Variants in FAM120A observed in about 807,000 individuals in gnomAD.
The protein encoded by FAM120A is family with sequence similarity 120 member A, also known as constitutive coactivator of PPAR-gamma-like protein 1.
FAM120A carries 15 observed loss-of-function variants against 109.7 expected under a neutral mutation model. The ratio of observed to expected loss-of-function variants is 0.14; its 90% confidence interval spans 0.09 to 0.21. FAM120A has a LOEUF of 0.21. FAM120A is among the 10% of genes least tolerant of loss of function. The pLI is 1.00. For missense variants in FAM120A, 899 were observed against 1,439.3 expected, an observed-to-expected ratio of 0.62 and a Z score of 6.07; for synonymous variants, 493 against 572.8, an observed-to-expected ratio of 0.86 and a Z score of 1.99.
At position 93,497,491 on chromosome 9, in the gene FAM120A, C is replaced by G; in HGVS notation, c.825C>G (p.Val275=). The G allele has an allele frequency of 1.2e-6, 2 of 1,613,502 alleles. No individual in the cohort carries two copies. The highest frequency in any genetic ancestry group is 2.2e-5 in the East Asian group (1 of 44,862). ...CTCAGGTCCGGGCCCACCAGCTGGT[C>G]TTGCCACCTTGCGACGTAGTGATCA... ...ASLKVRAHQL[V]LPPCDVVIKA... The change falls in exon 4 of 18, where the codon GTC becomes GTG. Residue 275 remains valine, a synonymous_variant. Transcript: ENST00000277165.
In FAM120A at chr9:93,451,786, C is replaced by T. The variant is rs1255424935; in HGVS notation, c.-130C>T. The T allele has an allele frequency of 2.0e-6, 2 of 977,190 alleles. No individual in the cohort carries two copies. The highest frequency in any genetic ancestry group is 2.4e-6 in the Non-Finnish European group (2 of 826,294). The allele number at this position is 977,190 out of a possible 1,614,324, so 60.5% of individuals were successfully genotyped here. The stretch of plus-strand genomic sequence containing the variant: ...GGCGGCCGCGGCGGCCATGAGCGCG[C>T]CCCCGACCCGCCCCAGTCCCCCCTA... On this transcript the variant is annotated 5_prime_UTR_variant, in exon 1 of 18. Coordinates refer to ENST00000277165, the MANE Select transcript of FAM120A (RefSeq NM_014612.5).
At position 93,459,119 on chromosome 9, in the gene FAM120A, A is replaced by G. The variant is rs76457843; in HGVS notation, c.474+6730A>G. Among the ~76,000 whole-genome samples the G allele has an allele frequency of 6.6e-3, 1,004 of 152,314 alleles. 14 individuals carry two copies. The highest frequency in any genetic ancestry group is 0.023 in the African/African-American group (969 of 41,552). On this transcript the variant is annotated intron_variant, in intron 1 of 17. Transcript: ENST00000277165. ...CCCATGTCAAATGCCAGCCTTCTTC[A>G]TGGAATCTCTTGATATTTGAAAAAG...
intron 1 of FAM120A, among the ~76,000 whole-genome samples, chr9:93,457,610 A>G (rs1269283319): frequency 2.0e-5 from 3 of 152,184 alleles, no homozygotes; most frequent in African/African-American, 7.2e-5. Context: ...GTAGGACCAT[A>G]GAGTCAACAT....
chr9:93,462,061 A>T (rs1857817471), intron 1 of FAM120A, among the ~76,000 whole-genome samples: 1 of 152,230 alleles, frequency 6.6e-6, no homozygotes, highest in African/African-American at 2.4e-5. Flanking sequence ...GCAGATACAA[A>T]CTATTACATA....
At chr9:93,478,796 T>G (rs1256145718) in intron 3 of FAM120A, among the ~76,000 whole-genome samples, 1 of 152,174 alleles carries the variant, frequency 6.6e-6, no homozygotes, top group Admixed American at 6.5e-5. Context: ...TTTTGACCCT[T>G]CATTCACATT....
chr9:93,463,854 T>C (rs141852601), intron 1 of FAM120A, among the ~76,000 whole-genome samples: 17 of 152,354 alleles, frequency 1.1e-4, no homozygotes, highest in Non-Finnish European at 2.1e-4. Flanking sequence ...TCAGGTCCTG[T>C]GTGAAAAGTA....
chr9:93,513,376 G>A (rs1588865725), intron 5 of FAM120A, among the ~76,000 whole-genome samples: 1 of 152,108 alleles, frequency 6.6e-6, no homozygotes, highest in Non-Finnish European at 1.5e-5. Flanking sequence ...GTGTATCTAC[G>A]CCTGTGTGTG....
chr9:93,532,252 G>C lies in FAM120A; in HGVS notation c.1832G>C (p.Gly611Ala). 1 of 1,614,258 alleles carries C rather than the reference G, an allele frequency of 6.2e-7. No homozygotes were observed. Among genetic ancestry groups the C allele is most frequent in the Non-Finnish European group, 8.5e-7 (1 of 1,180,044 alleles). The change falls in exon 10 of 18, where the codon GGA (glycine) becomes GCA (alanine). Residue 611 changes from glycine to alanine, a missense_variant. By Grantham distance (60) the Gly-to-Ala change is moderately conservative (BLOSUM62 0). Transcript: ENST00000277165. The surrounding 1 kb of genome is among the most constrained non-coding windows in gnomAD (Gnocchi z 4.3). ...LYRPVRQYVY[G>A]VLFSLAESRK... The stretch of plus-strand genomic sequence containing the variant: ...AGGCCAGTTCGTCAGTATGTTTACG[G>C]AGTCCTGTTTAGTTTGGCAGAAAGC...
chr9:93,532,618 C>T lies in FAM120A; in HGVS notation c.1909+289C>T, dbSNP rs540788520. On this transcript the variant is annotated intron_variant, in intron 10 of 17. Transcript: ENST00000277165. The surrounding 1 kb of genome is among the most constrained non-coding windows in gnomAD (Gnocchi z 4.3). ...TGATCTGAAAGCAGACTTGAATTGC[C>T]GCCACTCTCTGTAATTACCACGTCT... 15 of 373,688 alleles carry T rather than the reference C, an allele frequency of 4.0e-5. No homozygotes were observed. The highest frequency in any genetic ancestry group is 2.6e-4 in the South Asian group (10 of 38,320). 23.1% of individuals were successfully genotyped at this position (373,688 alleles called of 1,614,324 possible).
rs181025485 is a variant in FAM120A, at chr9:93,556,541, C to T, written c.2434C>T (p.Leu812Phe). 2.3e-5 allele frequency: 37 copies of T among 1,614,204 alleles called. No homozygotes were observed. The African/African-American group carries it at 4.4e-4, about 19-fold the overall frequency. The change falls in exon 13 of 18, where the codon CTC (leucine) becomes TTC (phenylalanine). Residue 812 changes from leucine to phenylalanine, a missense_variant. Physicochemically the swap from Leu to Phe is conservative, Grantham distance 22. Transcript: ENST00000277165. ...TGGGAAGCTCTTCCAATCCAAACTC[C>T]TCAAAGCCAGCCGGGAAAAGACCCC... ...FDGKLFQSKL[L>F]KASREKTPLI...
intron 1 of FAM120A, among the ~76,000 whole-genome samples, chr9:93,470,595 T>C (rs1476712495): frequency 3.3e-5 from 5 of 152,204 alleles, no homozygotes; most frequent in Non-Finnish European, 7.3e-5. Flanking sequence ...CATCCTTGTA[T>C]GGTCTCCACG....
intron 12 of FAM120A, among the ~76,000 whole-genome samples, chr9:93,553,985 T>A (rs1252506852): frequency 1.3e-5 from 2 of 152,162 alleles, no homozygotes; most frequent in Non-Finnish European, 2.9e-5. Flanking sequence ...TTATTCAGAT[T>A]GTTTATGCAA....
At position 93,550,697 on chromosome 9, in the gene FAM120A, T is replaced by C. The variant is rs1466877164; in HGVS notation, c.2274+6T>C. 25 of 1,609,084 alleles carry C rather than the reference T, an allele frequency of 1.6e-5. No homozygotes were observed. Among genetic ancestry groups the C allele is most frequent in the Non-Finnish European group, 2.1e-5 (25 of 1,176,010 alleles). On this transcript the variant is annotated splice_donor_region_variant and intron_variant, in intron 12 of 17. Coordinates refer to ENST00000277165, the MANE Select transcript of FAM120A (RefSeq NM_014612.5). Reference sequence around the variant, plus strand: ...ATCAGCTCCAGGAGCTCAAGGTAATTTATCAGCCTCATTGCATTGTCTTGG... The same window carrying C: ...ATCAGCTCCAGGAGCTCAAGGTAATCTATCAGCCTCATTGCATTGTCTTGG...
intron 3 of FAM120A, among the ~76,000 whole-genome samples, chr9:93,481,460 C>T (rs1489811853): frequency 6.6e-6 from 1 of 152,084 alleles, no homozygotes; most frequent in African/African-American, 2.4e-5. Context: ...TGTTCTACAT[C>T]CTATTGACCT....
At position 93,532,151 on chromosome 9, in the gene FAM120A, A is replaced by G; in HGVS notation, c.1735-4A>G. ...AATGTTATTCTGCTTTCTTCCATGCAAAGGGTGAAATCAAAATTGCTGTTT... is the reference window on the plus strand; with the variant it reads ...AATGTTATTCTGCTTTCTTCCATGCGAAGGGTGAAATCAAAATTGCTGTTT... On this transcript the variant is annotated splice_polypyrimidine_tract_variant and splice_region_variant and intron_variant, in intron 9 of 17. Coordinates refer to ENST00000277165, the MANE Select transcript of FAM120A (RefSeq NM_014612.5). The surrounding 1 kb of genome is among the most constrained non-coding windows in gnomAD (Gnocchi z 4.3). 6.2e-7 allele frequency: 1 copy of G among 1,613,222 alleles called. No homozygotes were observed. The highest frequency in any genetic ancestry group is 8.5e-7 in the Non-Finnish European group (1 of 1,179,448).
intron 12 of FAM120A, among the ~76,000 whole-genome samples, chr9:93,552,541 C>T (rs1862136087): frequency 6.6e-6 from 1 of 151,750 alleles, no homozygotes; most frequent in South Asian, 2.1e-4. Context: ...GGAAAAATAG[C>T]ATTTGTTGGG....
intron 9 of FAM120A, among the ~76,000 whole-genome samples, chr9:93,531,627 A>G (rs1446293742): frequency 6.6e-6 from 1 of 152,206 alleles, no homozygotes; most frequent in African/African-American, 2.4e-5. Flanking sequence ...ACTGAGACAC[A>G]TTTCTTGAGC....
intron 9 of FAM120A, chr9:93,530,443 G>A (rs1391625208): frequency 6.6e-6 from 1 of 152,158 alleles, no homozygotes; most frequent in Non-Finnish European, 1.5e-5. Flanking sequence ...TCTGTGGTTT[G>A]TAAAATGGAG....
chr9:93,556,127 G>A (rs745486438), intron 12 of FAM120A, among the ~76,000 whole-genome samples: 7 of 152,122 alleles, frequency 4.6e-5, no homozygotes, highest in Non-Finnish European at 8.8e-5. Flanking sequence ...ACTGCGGAAC[G>A]CTTTATAAAC....
Sources: gnomAD v4.1 joint callset for allele counts (sites outside exome capture counted in the v4.1 genomes callset) on GRCh38, gnomAD v4.1.1 for gene constraint, Gnocchi (gnomAD v3.1) non-coding constraint, MANE v1.5 for transcripts, NCBI Gene and HGNC (gene_info 2026-07-23, HGNC 2026-07-21) for gene names.